NRG1: variants seen among roughly 807,000 people sequenced by gnomAD.
NRG1 encodes pro-neuregulin-1, membrane-bound isoform.
NRG1 carries 18 observed loss-of-function variants against 63.8 expected under a neutral mutation model. The ratio of observed to expected loss-of-function variants is 0.28; its 90% CI spans 0.19 to 0.42. The LOEUF is 0.42. Ranked by LOEUF, NRG1 falls within the 10% of genes least tolerant of loss-of-function variation. NRG1 has a pLI of 1.00. For missense variants in NRG1, 762 were observed against 814.7 expected (o/e 0.94, Z 0.79); for synonymous variants, 302 against 301.3 (o/e 1.00, Z -0.02).
At chr8:32,290,102 G>T (rs1175008990) in intron 1 of NRG1, among the ~76,000 whole-genome samples, 1 of 152,038 alleles carries the variant, frequency 6.6e-6, no homozygotes, top group Non-Finnish European at 1.5e-5. Flanking sequence ...TTAGCCAGAG[G>T]TGGTGGCATG....
intron 1 of NRG1, among the ~76,000 whole-genome samples, chr8:31,912,121 C>T (rs1832992481): frequency 1.3e-5 from 2 of 152,188 alleles, no homozygotes; most frequent in East Asian, 1.9e-4. Flanking sequence ...TTAATGATAC[C>T]TTATTTTTAT....
intron 1 of NRG1, among the ~76,000 whole-genome samples, chr8:32,135,054 A>G (rs1194567108): frequency 6.6e-6 from 1 of 152,160 alleles, no homozygotes; most frequent in Non-Finnish European, 1.5e-5. Context: ...GATGGCAAAT[A>G]CCTAACATGG....
intron 1 of NRG1, among the ~76,000 whole-genome samples, chr8:32,455,814 GTC>G (rs1186140667): frequency 9.2e-5 from 14 of 152,144 alleles, no homozygotes; most frequent in African/African-American, 3.4e-4. Flanking sequence ...ATTTGAGACA[GTC>G]TCTCTCTGTC....
chr8:31,918,488 A>T (rs1385669687), intron 1 of NRG1, among the ~76,000 whole-genome samples: 50 of 152,262 alleles, frequency 3.3e-4, no homozygotes, highest in Non-Finnish European at 4.6e-4. Flanking sequence ...GGCTCTGTTT[A>T]TATGCTGGAT....
At chr8:32,568,225 C>G (rs4733132) in intron 1 of NRG1, among the ~76,000 whole-genome samples, 30,237 of 152,162 alleles carry the variant, frequency 0.2, 3,833 homozygotes, top group Admixed American at 0.33. Flanking sequence ...TAAAATACAC[C>G]ATAAATCTCG....
At chr8:32,419,361 G>A (rs1295636876) in intron 1 of NRG1, among the ~76,000 whole-genome samples, 3 of 152,190 alleles carry the variant, frequency 2.0e-5, no homozygotes, top group African/African-American at 7.2e-5. Context: ...GGAGGAGCCA[G>A]TGATCTCTGG....
At chr8:32,508,076 C>T (rs561418864) in intron 1 of NRG1, among the ~76,000 whole-genome samples, 6 of 152,288 alleles carry the variant, frequency 3.9e-5, no homozygotes, top group South Asian at 2.1e-4. Flanking sequence ...TAAACTCTGA[C>T]GTAGCTAAAC....
At chr8:32,569,247 C>A (rs1176673342) in intron 1 of NRG1, among the ~76,000 whole-genome samples, 1 of 152,120 alleles carries the variant, frequency 6.6e-6, no homozygotes, top group African/African-American at 2.4e-5. Context: ...AGGGGTTTTG[C>A]CATGTTGGCC....
At chr8:32,547,112 C>A (rs1235077300), upstream of NRG1, among the ~76,000 whole-genome samples, 1 of 152,202 alleles carries the variant, frequency 6.6e-6, no homozygotes, top group Admixed American at 6.5e-5. Flanking sequence ...TCTAAGTTAA[C>A]CACAGCTGTG....
chr8:32,035,101 CTTAACACTGCT>C (rs573535369), intron 1 of NRG1, among the ~76,000 whole-genome samples: 5 of 152,262 alleles, frequency 3.3e-5, no homozygotes, highest in African/African-American at 1.2e-4. Context: ...ACATTTCCCT[CTTAACACTGCT>C]TTAGCTGTGT....
intron 1 of NRG1, among the ~76,000 whole-genome samples, chr8:32,338,058 C>A (rs1378524803): frequency 6.6e-6 from 1 of 152,152 alleles, no homozygotes; most frequent in Non-Finnish European, 1.5e-5. Flanking sequence ...TTACTCTTGG[C>A]CTTAAGGCAT....
intron 1 of NRG1, among the ~76,000 whole-genome samples, chr8:32,294,215 C>T (rs1854570550): frequency 6.6e-6 from 1 of 151,992 alleles, no homozygotes; most frequent in African/African-American, 2.4e-5. Flanking sequence ...TTCCCACTCA[C>T]ATGGAGCAGG....
chr8:32,242,887 G>A (rs533004709), intron 1 of NRG1, among the ~76,000 whole-genome samples: 1 of 152,268 alleles, frequency 6.6e-6, no homozygotes, highest in South Asian at 2.1e-4. Context: ...CTAGGGCTCT[G>A]TAACAAAGTA....
intron 1 of NRG1, among the ~76,000 whole-genome samples, chr8:32,496,138 AC>A (rs1262873052): frequency 2.0e-5 from 3 of 151,566 alleles, no homozygotes; most frequent in African/African-American, 7.3e-5. Flanking sequence ...TTTTAGCAAA[AC>A]CCCCCAGACA....
At chr8:31,945,332 C>T (rs1272094594) in intron 1 of NRG1, among the ~76,000 whole-genome samples, 1 of 152,178 alleles carries the variant, frequency 6.6e-6, no homozygotes. Context: ...TCGACTGTCA[C>T]TAGGCTTTCT....
chr8:31,813,810 A>C (rs537740758), intron 1 of NRG1, among the ~76,000 whole-genome samples: 1 of 152,010 alleles, frequency 6.6e-6, no homozygotes, highest in Non-Finnish European at 1.5e-5. Flanking sequence ...TATAGGTGTG[A>C]GCCATCATGC....
chr8:31,685,304 G>A (rs928675071), intron 1 of NRG1, among the ~76,000 whole-genome samples: 3 of 152,078 alleles, frequency 2.0e-5, no homozygotes, highest in Non-Finnish European at 4.4e-5. Context: ...AATTTTAGAA[G>A]CATTTTCTTC....
At chr8:32,233,563 A>ATATATATTT (rs34593729) in intron 1 of NRG1, among the ~76,000 whole-genome samples, 780 of 67,124 alleles carry the variant, frequency 0.012, 13 homozygotes, top group Non-Finnish European at 0.015. Flanking sequence ...ATATATATAT[A>ATATATATTT]TTTTTTTTTT....
At chr8:32,647,800 C>G (rs1563846753) in intron 5 of NRG1, 6 of 1,613,916 alleles carry the variant, frequency 3.7e-6, no homozygotes, top group Non-Finnish European at 5.1e-6. Context: ...GCAGACCCAT[C>G]TCTTGATGGG....
Sources: gnomAD v4.1 joint callset for allele counts (sites outside exome capture counted in the v4.1 genomes callset) on GRCh38, gnomAD v4.1.1 for gene constraint, MANE v1.5 for transcripts, NCBI Gene and HGNC (gene_info 2026-07-23, HGNC 2026-07-21) for gene names.